SMARCD2: variants seen among roughly 807,000 people sequenced by gnomAD.
SMARCD2 encodes the protein SWI/SNF related BAF chromatin remodeling complex subunit D2.
Under a neutral mutation model 70.4 loss-of-function variants are expected in SMARCD2, and 39 were observed. The ratio of observed to expected loss-of-function variants is 0.55; its 90% CI spans 0.43 to 0.72. The LOEUF (loss-of-function observed/expected upper bound fraction) is 0.72, where lower values mean the gene tolerates loss of function less well. SMARCD2 is among the 30% of genes least tolerant of loss of function. SMARCD2 has a pLI of 0.00. For synonymous variants in SMARCD2, 249 were observed against 279.4 expected (o/e 0.89, Z 1.08); for missense variants, 540 against 713.4 (o/e 0.76, Z 2.77).
At position 63,838,898 on chromosome 17, in the gene SMARCD2, C is replaced by A. The variant is rs1904331413; in HGVS notation, c.217-1273G>T. ...CAACCTCTTCATCCCGCACTAAACC[C>A]ATGTTCCCAACACAGAGGGTCAGAT... On this transcript the variant is annotated intron_variant, in intron 1 of 12. Coordinates refer to ENST00000448276, the MANE Select transcript of SMARCD2 (RefSeq NM_001098426.2). 1.0e-5 allele frequency: 10 copies of A among 985,302 alleles called. No homozygotes were observed. The South Asian group carries it at 3.8e-4, about 37-fold the overall frequency. 61.0% of individuals were successfully genotyped at this position (985,302 alleles called of 1,614,324 possible). A position where few individuals can be genotyped will look rare whatever the true frequency, so the allele number is the denominator to read the frequency against.
chr17:63,840,304 G>C lies in SMARCD2; in HGVS notation c.216+2155C>G, dbSNP rs1304626271. ...CCTGCCACAGCATCCTGAGTAGCTGGGACCATAAGCGCACACCACCATGCT... is the reference window on the plus strand; with the variant it reads ...CCTGCCACAGCATCCTGAGTAGCTGCGACCATAAGCGCACACCACCATGCT... On this transcript the variant is annotated intron_variant, in intron 1 of 12. Coordinates refer to ENST00000448276, the MANE Select transcript of SMARCD2 (RefSeq NM_001098426.2). Among the ~76,000 whole-genome samples, 8 of 150,706 alleles carry C rather than the reference G, an allele frequency of 5.3e-5. No homozygotes were observed. The South Asian group carries it at 1.3e-3, about 25-fold the overall frequency.
In SMARCD2 at chr17:63,833,192, G is replaced by A; in HGVS notation, c.1441-22C>T. The A allele has an allele frequency of 6.2e-7, 1 of 1,608,578 alleles. No homozygotes were observed. Among genetic ancestry groups the A allele is most frequent in the South Asian group, 1.1e-5 (1 of 90,466 alleles). On this transcript the variant is annotated intron_variant, in intron 11 of 12. Coordinates refer to ENST00000448276, the MANE Select transcript of SMARCD2 (RefSeq NM_001098426.2). The surrounding 1 kb of genome is among the most constrained non-coding windows in gnomAD (Gnocchi z 4.3). ...TGATCTGCAAAGAGCCAGGAGGAAA[G>A]CCATAGCATAATCCCCACCCCTGGG...
At position 63,837,940 on chromosome 17, in the gene SMARCD2, C is replaced by T; in HGVS notation, c.217-315G>A. ...CAGGGCCCATTGCTACCTTCCAGCC[C>T]CAGCATGCTGTGCCCTATTCCCTGG... On this transcript the variant is annotated intron_variant, in intron 1 of 12. Transcript: ENST00000448276. The surrounding 1 kb of genome is among the most constrained non-coding windows in gnomAD (Gnocchi z 6.4). Among the ~76,000 whole-genome samples the T allele has an allele frequency of 6.6e-6, 1 of 152,134 alleles. No homozygotes were observed. Among genetic ancestry groups the T allele is most frequent in the Non-Finnish European group, 1.5e-5 (1 of 68,004 alleles).
At position 63,834,771 on chromosome 17, in the gene SMARCD2, T is replaced by C. The variant is rs764689561; in HGVS notation, c.753A>G (p.Ser251=). The stretch of plus-strand genomic sequence containing the variant: ...GCTCAATGACGAGGCTCTTAAAGAA[T>C]GAAGAAAACTTCCTCTTCTGTTTGC... ...DPSKQKRKFS[S]FFKSLVIELD... Residue 251 remains serine, a synonymous_variant, in exon 6 of 13, where the codon TCA becomes TCG. Coordinates refer to ENST00000448276, the MANE Select transcript of SMARCD2 (RefSeq NM_001098426.2). The surrounding 1 kb of genome is among the most constrained non-coding windows in gnomAD (Gnocchi z 5.6). 1 of 1,613,668 alleles carries C rather than the reference T, an allele frequency of 6.2e-7. No individual in the cohort carries two copies. The highest frequency in any genetic ancestry group is 8.5e-7 in the Non-Finnish European group (1 of 1,179,566).
chr17:63,832,333 G>T lies in SMARCD2; in HGVS notation c.*605C>A. 2 of 309,494 alleles carry T rather than the reference G, an allele frequency of 6.5e-6. No individual in the cohort carries two copies. The highest frequency in any genetic ancestry group is 1.2e-5 in the Non-Finnish European group (2 of 164,978). The allele number at this position is 309,494 out of a possible 1,614,324, so 19.2% of individuals were successfully genotyped here. A position where few individuals can be genotyped will look rare whatever the true frequency, so the allele number is the denominator to read the frequency against. On this transcript the variant is annotated 3_prime_UTR_variant, in exon 13 of 13. Coordinates refer to ENST00000448276, the MANE Select transcript of SMARCD2 (RefSeq NM_001098426.2). ...GCATCCCAGGAGATGATGGCGGCCA[G>T]AGCCGCTTGCATAGATTGAGGAAAG...
At position 63,833,029 on chromosome 17, in the gene SMARCD2, T is replaced by C. The variant is rs2040213498; in HGVS notation, c.1543-38A>G. Reference sequence around the variant, plus strand: ...GAAACCAAGTGGCTCAGGCCTTTGCTACTCACGGCCAAAGGAGGGAAAACA... The same window carrying C: ...GAAACCAAGTGGCTCAGGCCTTTGCCACTCACGGCCAAAGGAGGGAAAACA... On this transcript the variant is annotated intron_variant, in intron 12 of 12. Coordinates refer to ENST00000448276, the MANE Select transcript of SMARCD2 (RefSeq NM_001098426.2). The surrounding 1 kb of genome is among the most constrained non-coding windows in gnomAD (Gnocchi z 4.3). 2.5e-6 allele frequency: 4 copies of C among 1,585,956 alleles called. No individual in the cohort carries two copies. The East Asian group carries it at 6.9e-5, about 27-fold the overall frequency.
At chr17:63,838,999 C>G (rs543432193) in intron 1 of SMARCD2, 1 of 985,116 alleles carries the variant, frequency 1.0e-6, no homozygotes, top group African/African-American at 1.7e-5. Flanking sequence ...CAGGGTGGGA[C>G]GGAAGTGTTT....
At position 63,837,735 on chromosome 17, in the gene SMARCD2, AC is replaced by A; in HGVS notation, c.217-111del. 1 of 843,876 alleles carries A rather than the reference AC, an allele frequency of 1.2e-6. No individual in the cohort carries two copies. Among genetic ancestry groups the A allele is most frequent in the Non-Finnish European group, 1.8e-6 (1 of 545,704 alleles). 52.3% of individuals were successfully genotyped at this position (843,876 alleles called of 1,614,324 possible). On this transcript the variant is annotated intron_variant, in intron 1 of 12. Transcript: ENST00000448276. This position sits in a 1 kb window ranked among gnomAD's most constrained non-coding sequence, Gnocchi z 6.4. ...CAGCCAGGTAGGGCCTGAGCAGCACACCAGAGCCCTGCTGGAGCCCCAGGAA... is the reference window on the plus strand; with the variant it reads ...CAGCCAGGTAGGGCCTGAGCAGCACACAGAGCCCTGCTGGAGCCCCAGGAA...
chr17:63,842,472 G>A lies in SMARCD2; in HGVS notation c.203C>T (p.Ala68Val), dbSNP rs1904508427. 3 of 1,253,638 alleles carry A rather than the reference G, an allele frequency of 2.4e-6. No individual in the cohort carries two copies. Among genetic ancestry groups the A allele is most frequent in the South Asian group, 2.9e-5 (1 of 34,500 alleles). 77.7% of individuals were successfully genotyped at this position (1,253,638 alleles called of 1,614,324 possible). The change falls in exon 1 of 13, where the codon GCG becomes GTG. Residue 68 changes from alanine to valine, a missense_variant. Coordinates refer to ENST00000448276, the MANE Select transcript of SMARCD2 (RefSeq NM_001098426.2). ...CTCCTTGCTCACCTGGTACTGCGCCGCGGGGCCCGCGGGGCCCATGGGGCG... is the reference window on the plus strand; with the variant it reads ...CTCCTTGCTCACCTGGTACTGCGCCACGGGGCCCGCGGGGCCCATGGGGCG... ...AFRPMGPAGPAAQYQRPGMSP... is the reference protein window; with the variant it reads ...AFRPMGPAGPVAQYQRPGMSP...
chr17:63,835,474 T>C lies in SMARCD2; in HGVS notation c.661A>G (p.Thr221Ala). Residue 221 changes from threonine (T) to alanine (A), a missense_variant, in exon 5 of 13, where the codon ACC (threonine) becomes GCC (alanine). Coordinates refer to ENST00000448276, the MANE Select transcript of SMARCD2 (RefSeq NM_001098426.2). ...GAAGCCACCTTGTCCCCTGCTGGGG[T>C]TCCCCCAGGGGTCCCTGCAGTTCCT... ...SAGTAGTPGG[T>A]PAGDKVASWE... 6.2e-7 allele frequency: 1 copy of C among 1,613,906 alleles called. No individual in the cohort carries two copies. Among genetic ancestry groups the C allele is most frequent in the Non-Finnish European group, 8.5e-7 (1 of 1,179,772 alleles).
chr17:63,840,752 T>C (rs1904427744), intron 1 of SMARCD2, among the ~76,000 whole-genome samples: 2 of 152,210 alleles, frequency 1.3e-5, no homozygotes, highest in Admixed American at 1.3e-4. Flanking sequence ...CAGCCAAAGT[T>C]AGCTGGCTGG....
chr17:63,840,862 C>T (rs1199728667), intron 1 of SMARCD2, among the ~76,000 whole-genome samples: 1 of 152,240 alleles, frequency 6.6e-6, no homozygotes, highest in Non-Finnish European at 1.5e-5. Flanking sequence ...AGCTAGCAGC[C>T]CAGGCCTAAC....
rs2040235944 is a variant in SMARCD2, at chr17:63,834,275, C to T, written c.975G>A (p.Thr325=). The change falls in exon 8 of 13, where the codon ACG becomes ACA. Residue 325 remains threonine, a synonymous_variant. Transcript: ENST00000448276. This position sits in a 1 kb window ranked among gnomAD's most constrained non-coding sequence, Gnocchi z 5.6. Reference sequence around the variant, plus strand: ...CCTGCATGATGGCGGCCCTCGTCTGCGTGTGCACTCCCAGCAGCCTTGCCA... The same window carrying T: ...CCTGCATGATGGCGGCCCTCGTCTGTGTGTGCACTCCCAGCAGCCTTGCCA... The part of the protein sequence containing the change: ...PRLARLLGVH[T]QTRAAIMQAL... 1 of 1,611,606 alleles carries T rather than the reference C, an allele frequency of 6.2e-7. No individual in the cohort carries two copies. Among genetic ancestry groups the T allele is most frequent in the Non-Finnish European group, 8.5e-7 (1 of 1,179,014 alleles).
Position 63,834,345 on chromosome 17 carries a change from G to A in SMARCD2, c.922-17C>T. 6.2e-7 allele frequency: 1 copy of A among 1,607,642 alleles called. No homozygotes were observed. The highest frequency in any genetic ancestry group is 1.1e-5 in the South Asian group (1 of 90,892). On this transcript the variant is annotated splice_polypyrimidine_tract_variant and intron_variant, in intron 7 of 12. Transcript: ENST00000448276. This position sits in a 1 kb window ranked among gnomAD's most constrained non-coding sequence, Gnocchi z 5.6. ...CTGGGGAGGCTGGAGTTGGATGGAG[G>A]GGAGTCAGAACGGGTTCTTATAGTA...
At chr17:63,838,683 G>A (rs377730482) in intron 1 of SMARCD2, 2 of 1,415,138 alleles carry the variant, frequency 1.4e-6, no homozygotes, top group African/African-American at 2.9e-5. Flanking sequence ...CCTCCCCATG[G>A]CTGCTGCCTG....
Position 63,833,463 on chromosome 17 carries a change from A to C in SMARCD2, c.1318-43T>G. 1 of 1,611,662 alleles carries C rather than the reference A, an allele frequency of 6.2e-7. No individual in the cohort carries two copies. The highest frequency in any genetic ancestry group is 8.5e-7 in the Non-Finnish European group (1 of 1,178,258). ...GTCAGACTGTGCCCCCAAAGCTTAC[A>C]TGCAAGCAACTGAGCCAGAGTTCCC... is the stretch of plus-strand genomic sequence containing the variant. On this transcript the variant is annotated intron_variant, in intron 10 of 12. Transcript: ENST00000448276. This position sits in a 1 kb window ranked among gnomAD's most constrained non-coding sequence, Gnocchi z 4.3.
At chr17:63,836,163 C>T (rs541390242) in intron 4 of SMARCD2, among the ~76,000 whole-genome samples, 3 of 152,182 alleles carry the variant, frequency 2.0e-5, no homozygotes, top group South Asian at 2.1e-4. Flanking sequence ...ACACCCATCA[C>T]GGCTCCAAAA....
In SMARCD2 at chr17:63,833,942, T is replaced by C. The variant is rs892114966; in HGVS notation, c.1148A>G (p.His383Arg). 2 of 1,613,770 alleles carry C rather than the reference T, an allele frequency of 1.2e-6. No homozygotes were observed. Among genetic ancestry groups the C allele is most frequent in the Admixed American group, 3.3e-5 (2 of 60,034 alleles). ...ATGGTTGATGACAATGGGGTCTGGA[T>C]GCTGCAGCAACCCTGCCAGCTTCAT... The part of the protein sequence containing the change: ...IPMKLAGLLQ[H>R]PDPIVINHVI... Residue 383 changes from histidine (H) to arginine (R), a missense_variant, in exon 9 of 13, where the codon CAT becomes CGT. Physicochemically the swap from His to Arg is conservative, Grantham distance 29 (BLOSUM62 0). Transcript: ENST00000448276. This position sits in a 1 kb window ranked among gnomAD's most constrained non-coding sequence, Gnocchi z 4.3.
rs764382206 is a variant in SMARCD2, at chr17:63,837,196, C to T, written c.443G>A (p.Arg148Gln). 42 of 1,613,596 alleles carry T rather than the reference C, an allele frequency of 2.6e-5. No homozygotes were observed. The highest frequency in any genetic ancestry group is 2.5e-4 in the Admixed American group (15 of 59,976). The change falls in exon 3 of 13, where the codon CGA becomes CAA. Residue 148 changes from arginine (R) to glutamine (Q), a missense_variant and splice_region_variant. By Grantham distance (43) the Arg-to-Gln change is conservative. Coordinates refer to ENST00000448276, the MANE Select transcript of SMARCD2 (RefSeq NM_001098426.2). This position sits in a 1 kb window ranked among gnomAD's most constrained non-coding sequence, Gnocchi z 6.4. The part of the protein sequence containing the change: ...RKMADKVLPQ[R>Q]IRELVPESQA... ...CCCAGGTGTCCTCTTAACACTTACT[C>T]GCTGAGGTAGAACCTTATCTGCCAT... is the stretch of plus-strand genomic sequence containing the variant.
Sources: allele counts gnomAD v4.1 joint callset (sites outside exome capture counted in the v4.1 genomes callset), GRCh38; gene constraint gnomAD v4.1.1; non-coding constraint Gnocchi (gnomAD v3.1); transcripts MANE v1.5; gene names NCBI Gene and HGNC (gene_info 2026-07-23, HGNC 2026-07-21).